The following PHB2 variants were observed in gnomAD, a reference collection of about 807,000 sequenced individuals.
PHB2 encodes prohibitin-2.
In PHB2, 22 loss-of-function variants were observed where a neutral mutation model predicts 46.4. That is an observed-to-expected ratio of 0.47 (90% CI 0.34 to 0.68). PHB2 has a LOEUF of 0.68. Ranked by LOEUF, PHB2 falls within the 30% of genes least tolerant of loss-of-function variation. The probability of loss-of-function intolerance (pLI) is 0.01; values close to 1 mark genes in which losing one functional copy is unlikely to be tolerated. For missense variants in PHB2, 305 were observed against 382.8 expected, an observed-to-expected ratio of 0.80 and a Z score of 1.70; for synonymous variants, 156 against 150.5, an observed-to-expected ratio of 1.04 and a Z score of -0.27.
In PHB2 at chr12:6,965,571, G is replaced by T; in HGVS notation, c.*114C>A. On this transcript the variant is annotated 3_prime_UTR_variant, in exon 10 of 10. Transcript: ENST00000535923. ...AGGGGTTCAGGGAACCGGTGTGGGG[G>T]ACCATCGCATGATACTGGGGCGGGG... is the stretch of plus-strand genomic sequence containing the variant. 1.3e-6 allele frequency: 1 copy of T among 791,802 alleles called. No individual in the cohort carries two copies. Among genetic ancestry groups the T allele is most frequent in the South Asian group, 1.4e-5 (1 of 69,112 alleles). 49.0% of individuals were successfully genotyped at this position (791,802 alleles called of 1,614,324 possible).
chr12:6,967,084 G>C lies in PHB2; in HGVS notation c.789+87C>G, dbSNP rs1946224928. On this transcript the variant is annotated intron_variant, in intron 7 of 9. Coordinates refer to ENST00000535923, the MANE Select transcript of PHB2 (RefSeq NM_001144831.2). This position sits in a 1 kb window ranked among gnomAD's most constrained non-coding sequence, Gnocchi z 4.9. ...TCTGAGTAGAAACCGGAACAAGCAAGGTTCGAATTCCCTCACCTCAATGTG... is the reference window on the plus strand; with the variant it reads ...TCTGAGTAGAAACCGGAACAAGCAACGTTCGAATTCCCTCACCTCAATGTG... 1 of 1,124,744 alleles carries C rather than the reference G, an allele frequency of 8.9e-7. No homozygotes were observed. The highest frequency in any genetic ancestry group is 2.6e-5 in the East Asian group (1 of 37,956). The allele number at this position is 1,124,744 out of a possible 1,614,324, so 69.7% of individuals were successfully genotyped here. A position where few individuals can be genotyped will look rare whatever the true frequency, so the allele number is the denominator to read the frequency against.
rs782385348 is a variant in PHB2, at chr12:6,966,441, C to T, written c.849G>A (p.Gln283=). The change falls in exon 8 of 10, where the codon CAG becomes CAA. Residue 283 remains glutamine, a synonymous_variant. Coordinates refer to ENST00000535923, the MANE Select transcript of PHB2 (RefSeq NM_001144831.2). The part of the protein sequence containing the change: ...LTADNLVLNL[Q]DESFTRGSDS... The stretch of plus-strand genomic sequence containing the variant: ...TCTCTCACCTGGTGAAACTTTCATC[C>T]TGTAGGTTCAGCACAAGGTTGTCAG... 5.6e-6 allele frequency: 9 copies of T among 1,606,732 alleles called. No individual in the cohort carries two copies. In the South Asian group the frequency reaches 7.7e-5, roughly 14 times the overall value.
At position 6,967,821 on chromosome 12, in the gene PHB2, G is replaced by A. The variant is rs1946241393; in HGVS notation, c.608-42C>T. The A allele has an allele frequency of 2.5e-6, 4 of 1,609,798 alleles. No individual in the cohort carries two copies. The highest frequency in any genetic ancestry group is 2.2e-5 in the South Asian group (2 of 90,862). On this transcript the variant is annotated intron_variant, in intron 5 of 9. Coordinates refer to ENST00000535923, the MANE Select transcript of PHB2 (RefSeq NM_001144831.2). This position sits in a 1 kb window ranked among gnomAD's most constrained non-coding sequence, Gnocchi z 4.9. ...TCAGGGAGACCCTGTCCTGGGTCAG[G>A]AGCCCCACCCATGGAGTCTTTCCTC...
chr12:6,968,249 A>C (rs1946250137), intron 4 of PHB2, among the ~76,000 whole-genome samples, 162 bp downstream of exon 4: 1 of 152,212 alleles, frequency 6.6e-6, no homozygotes, highest in Non-Finnish European at 1.5e-5. Context: ...TCGAGTTCTA[A>C]TGCTGGCTCT....
intron 1 of PHB2, 51 bp from the exon 2 acceptor site, chr12:6,970,331 C>G: frequency 3.7e-6 from 6 of 1,607,060 alleles, no homozygotes; most frequent in Non-Finnish European, 5.1e-6. Flanking sequence ...AGAGGAAATG[C>G]TAGGCCCGTG....
chr12:6,966,963 G>A (rs1946220933), intron 7 of PHB2, among the ~76,000 whole-genome samples: 1 of 152,168 alleles, frequency 6.6e-6, no homozygotes, highest in Non-Finnish European at 1.5e-5. Context: ...TGGCCAGGCT[G>A]GTCTCGAACT....
At position 6,967,454 on chromosome 12, in the gene PHB2, G is replaced by A. The variant is rs1946234357; in HGVS notation, c.712-206C>T. 1 of 1,128,108 alleles carries A rather than the reference G, an allele frequency of 8.9e-7. No homozygotes were observed. Among genetic ancestry groups the A allele is most frequent in the Non-Finnish European group, 1.3e-6 (1 of 748,046 alleles). The allele number at this position is 1,128,108 out of a possible 1,614,324, so 69.9% of individuals were successfully genotyped here. A position where few individuals can be genotyped will look rare whatever the true frequency, so the allele number is the denominator to read the frequency against. On this transcript the variant is annotated intron_variant, in intron 6 of 9. Coordinates refer to ENST00000535923, the MANE Select transcript of PHB2 (RefSeq NM_001144831.2). This position sits in a 1 kb window ranked among gnomAD's most constrained non-coding sequence, Gnocchi z 4.9. ...GGGGCAGCACCAGAAATGAAGGCAA[G>A]GCCACCAATGCTATTGATCTGGCCT...
At chr12:6,968,788 G>T (rs1468177083) in intron 3 of PHB2, 193 bp from the exon 4 acceptor site, 2 of 618,318 alleles carry the variant, frequency 3.2e-6, no homozygotes, top group Middle Eastern at 3.2e-4. Flanking sequence ...CCACTGTGAA[G>T]CCTTGAACTG....
At chr12:6,968,281 A>G (rs1565590311) in intron 4 of PHB2, 130 bp downstream of exon 4, 1 of 738,118 alleles carries the variant, frequency 1.4e-6, no homozygotes. Context: ...AGTGGCAATT[A>G]GCACAGCTTT....
chr12:6,965,897 C>T lies in PHB2; in HGVS notation c.872+14G>A. 1.9e-6 allele frequency: 3 copies of T among 1,599,052 alleles called. No homozygotes were observed. Among genetic ancestry groups the T allele is most frequent in the Non-Finnish European group, 2.5e-6 (3 of 1,179,430 alleles). On this transcript the variant is annotated intron_variant, in intron 9 of 9. Coordinates refer to ENST00000535923, the MANE Select transcript of PHB2 (RefSeq NM_001144831.2). ...GGTGGCCTGCAGGACCCCACAGAAG[C>T]AACAACAGCTTACCTTCCCCTGTGG...
intron 3 of PHB2, chr12:6,968,798 G>A (rs1271732543): frequency 1.7e-6 from 1 of 602,722 alleles, no homozygotes; most frequent in Non-Finnish European, 3.1e-6. Flanking sequence ...GCCTTGAACT[G>A]CAAACCCCGT....
At chr12:6,965,842 G>A (rs1555150696) in intron 9 of PHB2, 69 bp downstream of exon 9, 2 of 1,588,932 alleles carry the variant, frequency 1.3e-6, no homozygotes, top group East Asian at 4.5e-5. Context: ...GGTGGGAAAG[G>A]GGGTAGGGTA....
rs782095922 is a variant in PHB2 at position 6,965,435 on chromosome 12, T to C, written c.*250A>G. On this transcript the variant is annotated 3_prime_UTR_variant, in exon 10 of 10. Coordinates refer to ENST00000535923, the MANE Select transcript of PHB2 (RefSeq NM_001144831.2). ...AGCCTTGAGGGAGGGAACAACACTG[T>C]AGGAAATCACTGAGAAATCACGCAC... 7.0e-6 allele frequency: 4 copies of C among 571,474 alleles called. No homozygotes were observed. The highest frequency in any genetic ancestry group is 6.0e-5 in the South Asian group (3 of 49,676). 35.4% of individuals were successfully genotyped at this position (571,474 alleles called of 1,614,324 possible). A position where few individuals can be genotyped will look rare whatever the true frequency, so the allele number is the denominator to read the frequency against.
Position 6,967,870 on chromosome 12 carries a change from C to T in PHB2, c.607+22G>A. On this transcript the variant is annotated intron_variant, in intron 5 of 9. Coordinates refer to ENST00000535923, the MANE Select transcript of PHB2 (RefSeq NM_001144831.2). The surrounding 1 kb of genome is among the most constrained non-coding windows in gnomAD (Gnocchi z 4.9). ...TCCTCCTGCATCTCAGAAGCCCTCA[C>T]CCCACGGCTCTTGCGACTCACCCAC... 4 of 1,612,910 alleles carry T rather than the reference C, an allele frequency of 2.5e-6. No homozygotes were observed. The highest frequency in any genetic ancestry group is 3.4e-6 in the Non-Finnish European group (4 of 1,179,208).
At chr12:6,968,891 T>C (rs1946262369) in intron 3 of PHB2, among the ~76,000 whole-genome samples, 1 of 152,222 alleles carries the variant, frequency 6.6e-6, no homozygotes, top group Admixed American at 6.5e-5. Flanking sequence ...ACCGTAATCA[T>C]GTCTCCTGTA....
intron 3 of PHB2, among the ~76,000 whole-genome samples, chr12:6,969,049 T>C (rs1419003434): frequency 6.6e-6 from 1 of 152,084 alleles, no homozygotes; most frequent in Non-Finnish European, 1.5e-5. Context: ...TGTATATGTG[T>C]GCGTGGGTGG....
At chr12:6,965,817 GT>G in intron 9 of PHB2, 93 bp downstream of exon 9, 8 of 1,566,350 alleles carry the variant, frequency 5.1e-6, no homozygotes, top group Non-Finnish European at 7.0e-6. Context: ...CTGATTGAGG[GT>G]TTGTCTTCGG....
chr12:6,969,341 T>C (rs1946276399), intron 3 of PHB2, among the ~76,000 whole-genome samples, 157 bp downstream of exon 3: 1 of 152,210 alleles, frequency 6.6e-6, no homozygotes, highest in African/African-American at 2.4e-5. Flanking sequence ...TGTTCAGAAT[T>C]TGCTGCTTTG....
rs1555151911 is a variant in PHB2 at position 6,970,443 on chromosome 12, T to C, written c.101A>G (p.Tyr34Cys). The change falls in exon 1 of 10, where the codon TAC (tyrosine) becomes TGC (cysteine). Residue 34 changes from tyrosine to cysteine, a missense_variant. Tyr to Cys is a radical substitution (Grantham distance 194). Transcript: ENST00000535923. ...KLLLGAGAVA[Y>C]GVRESVFTVE... ...GGTGAACACAGATTCGCGCACACCG[T>C]AGGCCACGGCGCCGGCCCCCAGCAA... is the stretch of plus-strand genomic sequence containing the variant. 1.3e-5 allele frequency: 21 copies of C among 1,604,084 alleles called. No individual in the cohort carries two copies. The highest frequency in any genetic ancestry group is 8.3e-5 in the Admixed American group (5 of 59,962).
Sources: allele counts gnomAD v4.1 joint callset (sites outside exome capture counted in the v4.1 genomes callset), GRCh38; gene constraint gnomAD v4.1.1; non-coding constraint Gnocchi (gnomAD v3.1); transcripts MANE v1.5; gene names NCBI Gene and HGNC (gene_info 2026-07-23, HGNC 2026-07-21).